TMTC4: variants seen among roughly 807,000 people sequenced by gnomAD.
TMTC4 encodes protein O-mannosyl-transferase TMTC4.
A neutral mutation model predicts 86.0 loss-of-function variants in TMTC4; 65 were observed. The observed-to-expected ratio is 0.76, with a 90% confidence interval of 0.62 to 0.93. TMTC4 has a LOEUF of 0.93. TMTC4 is among the 40% of genes least tolerant of loss of function. TMTC4 has a pLI of 0.00. For synonymous variants in TMTC4, 379 were observed against 382.5 expected (o/e 0.99, Z 0.11); for missense variants, 866 against 948.1 (o/e 0.91, Z 1.14).
upstream of TMTC4, chr13:100,674,807 G>C (rs1314192160): frequency 3.1e-6 from 3 of 982,538 alleles, no homozygotes; most frequent in Non-Finnish European, 3.6e-6. Flanking sequence ...GCGGCTCCAG[G>C]CACCCGCCCG....
In TMTC4 at chr13:100,625,895, GAA is replaced by G. The variant is rs1243950068; in HGVS notation, c.1587-5_1587-4del. The G allele has an allele frequency of 2.5e-6, 4 of 1,609,978 alleles. No individual in the cohort carries two copies. The highest frequency in any genetic ancestry group is 1.3e-5 in the African/African-American group (1 of 74,644). On this transcript the variant is annotated splice_polypyrimidine_tract_variant and splice_region_variant and intron_variant, in intron 13 of 18. Coordinates refer to ENST00000342624, the MANE Select transcript of TMTC4 (RefSeq NM_032813.5). Reference sequence around the variant, plus strand: ...CATGAACATACTTGGGATTTAATCTGAAAGTTGAGAAAAAACCAAGCTGACCA... The same window carrying G: ...CATGAACATACTTGGGATTTAATCTGAGTTGAGAAAAAACCAAGCTGACCA...
At chr13:100,632,715 A>G (rs564810884) in intron 12 of TMTC4, among the ~76,000 whole-genome samples, 1 of 152,330 alleles carries the variant, frequency 6.6e-6, no homozygotes, top group South Asian at 2.1e-4. Flanking sequence ...AAGTTTCATA[A>G]TAAGATGTCA....
chr13:100,631,284 G>A (rs1238657060), intron 12 of TMTC4, among the ~76,000 whole-genome samples: 2 of 152,144 alleles, frequency 1.3e-5, no homozygotes, highest in Non-Finnish European at 2.9e-5. Flanking sequence ...AAACTAATTT[G>A]TTATAAATAT....
intron 6 of TMTC4, among the ~76,000 whole-genome samples, chr13:100,655,302 C>A (rs751204076): frequency 6.6e-6 from 1 of 152,140 alleles, no homozygotes; most frequent in Non-Finnish European, 1.5e-5. Context: ...GGATTACAGG[C>A]GTAAGCCACC....
upstream of TMTC4, chr13:100,674,835 G>A (rs1481958198): frequency 3.7e-5 from 36 of 972,880 alleles, no homozygotes; most frequent in Non-Finnish European, 4.1e-5. Flanking sequence ...CAGGGGGAGG[G>A]GCCGCCCGCC....
chr13:100,643,336 C>T (rs948622277), intron 6 of TMTC4, among the ~76,000 whole-genome samples: 2 of 152,212 alleles, frequency 1.3e-5, no homozygotes, highest in African/African-American at 2.4e-5. Flanking sequence ...GCCTATGGCT[C>T]TATGTAAGCA....
At chr13:100,613,792 G>C (rs1594234536) in intron 16 of TMTC4, among the ~76,000 whole-genome samples, 1 of 88,974 alleles carries the variant, frequency 1.1e-5, no homozygotes, top group Admixed American at 1.7e-4. Flanking sequence ...CTTCCTTCCT[G>C]CCTTTCTTCC....
At chr13:100,656,306 G>C in intron 6 of TMTC4, 75 bp downstream of exon 6, 2 of 1,291,762 alleles carry the variant, frequency 1.5e-6, no homozygotes, top group Non-Finnish European at 2.2e-6. Context: ...ATTCTTTCCC[G>C]TATGTTAAGA....
chr13:100,605,524 A>C lies in TMTC4; in HGVS notation c.2135-382T>G, dbSNP rs1036343788. ...GCACTGCCCAGAGCCCTGACTATGC[A>C]GAAGTTCAGCTGTTTATTTTAAATA... On this transcript the variant is annotated intron_variant, in intron 18 of 18. Coordinates refer to ENST00000342624, the MANE Select transcript of TMTC4 (RefSeq NM_032813.5). This position sits in a 1 kb window ranked among gnomAD's most constrained non-coding sequence, Gnocchi z 4.3. Among the ~76,000 whole-genome samples the C allele has an allele frequency of 6.6e-6, 1 of 152,192 alleles. No homozygotes were observed. Among genetic ancestry groups the C allele is most frequent in the South Asian group, 2.1e-4 (1 of 4,836 alleles).
chr13:100,668,496 G>A (rs1015641986), intron 3 of TMTC4, 83 bp downstream of exon 3: 33 of 1,400,292 alleles, frequency 2.4e-5, no homozygotes, highest in Non-Finnish European at 1.9e-5. Context: ...ACATTCCACA[G>A]AGAACAATGC....
chr13:100,612,394 G>A lies in TMTC4; in HGVS notation c.2064+4C>T, dbSNP rs373300384. The A allele has an allele frequency of 4.7e-5, 76 of 1,600,704 alleles. No homozygotes were observed. In the African/African-American group the frequency reaches 7.4e-4, roughly 16 times the overall value. ...CAAGAACTCACAGCCTGCGGTTTAC[G>A]CACCTTGTATTTCTGGGATTTCCCC... On this transcript the variant is annotated splice_donor_region_variant and intron_variant, in intron 17 of 18. Coordinates refer to ENST00000342624, the MANE Select transcript of TMTC4 (RefSeq NM_032813.5).
Position 100,604,172 on chromosome 13 carries a change from C to T in TMTC4, c.*822G>A, listed in dbSNP as rs1339568915. The stretch of plus-strand genomic sequence containing the variant: ...ATTAAGCAAAATGGAAAACGGCCTT[C>T]AGATAAACACACTAAAAAGCAGCTT... On this transcript the variant is annotated 3_prime_UTR_variant, in exon 19 of 19. Coordinates refer to ENST00000342624, the MANE Select transcript of TMTC4 (RefSeq NM_032813.5). 1 of 152,622 alleles carries T rather than the reference C, an allele frequency of 6.6e-6. No homozygotes were observed. Among genetic ancestry groups the T allele is most frequent in the Non-Finnish European group, 1.5e-5 (1 of 68,034 alleles). 9.5% of individuals were successfully genotyped at this position (152,622 alleles called of 1,614,324 possible).
chr13:100,674,966 A>G (rs960701212), upstream of TMTC4: 7 of 985,316 alleles, frequency 7.1e-6, no homozygotes, highest in East Asian at 2.3e-4. Flanking sequence ...CGTCACTTTC[A>G]GGCCACAGCC....
intron 15 of TMTC4, among the ~76,000 whole-genome samples, chr13:100,619,570 T>TA (rs1879170030): frequency 6.6e-6 from 1 of 152,246 alleles, no homozygotes; most frequent in African/African-American, 2.4e-5. Context: ...TGACTTGTCC[T>TA]ACGCTACACA....
chr13:100,614,932 G>A (rs941067944), intron 15 of TMTC4: 3 of 985,154 alleles, frequency 3.0e-6, no homozygotes, highest in Middle Eastern at 5.2e-4. Context: ...AATTCACCTT[G>A]TGAAGGGTGG....
At chr13:100,653,182 A>G (rs1047117872) in intron 6 of TMTC4, among the ~76,000 whole-genome samples, 6 of 152,224 alleles carry the variant, frequency 3.9e-5, no homozygotes, top group Admixed American at 2.0e-4. Flanking sequence ...GGATTATTCC[A>G]AAGAGTTGTA....
intron 15 of TMTC4, among the ~76,000 whole-genome samples, chr13:100,618,981 G>A (rs1026422091): frequency 2.0e-5 from 3 of 152,140 alleles, no homozygotes; most frequent in Non-Finnish European, 4.4e-5. Flanking sequence ...TGTCATCCCA[G>A]CCCGTTCTCA....
At chr13:100,615,381 TCTGC>T in intron 15 of TMTC4, among the ~76,000 whole-genome samples, 1 of 152,130 alleles carries the variant, frequency 6.6e-6, no homozygotes, top group East Asian at 1.9e-4. Flanking sequence ...TTGTGATCGA[TCTGC>T]CTGCCTCAGC....
At chr13:100,653,229 G>GT (rs1884667947) in intron 6 of TMTC4, among the ~76,000 whole-genome samples, 1 of 152,194 alleles carries the variant, frequency 6.6e-6, no homozygotes, top group Admixed American at 6.5e-5. Flanking sequence ...TTCTTCGCAT[G>GT]TTTAAAAAGG....
Sources: gnomAD v4.1 joint callset for allele counts (sites outside exome capture counted in the v4.1 genomes callset) on GRCh38, gnomAD v4.1.1 for gene constraint, Gnocchi (gnomAD v3.1) non-coding constraint, MANE v1.5 for transcripts, NCBI Gene and HGNC (gene_info 2026-07-23, HGNC 2026-07-21) for gene names.